Variants in PCDH11X observed in about 807,000 individuals in gnomAD.
PCDH11X encodes the protein protocadherin-11 X-linked.
A neutral mutation model predicts 53.3 loss-of-function variants in PCDH11X; 18 were observed. That is an observed-to-expected ratio of 0.34 (90% CI 0.23 to 0.50). PCDH11X has a LOEUF of 0.50. Among genes scored for constraint, PCDH11X ranks in the 20% least tolerant of loss-of-function variants. The probability of loss-of-function intolerance (pLI) is 0.98; values close to 1 mark genes in which losing one functional copy is unlikely to be tolerated. For missense variants in PCDH11X, 570 were observed against 1,032.4 expected, an observed-to-expected ratio of 0.55 and a Z score of 6.14; for synonymous variants, 279 against 393.3, an observed-to-expected ratio of 0.71 and a Z score of 3.44.
In PCDH11X at chrX:92,501,907, T is replaced by C. The variant is rs960535514; in HGVS notation, c.3367+33585T>C. 3.6e-5 allele frequency among the ~76,000 whole-genome samples: 4 copies of C among 110,606 alleles called. No individual in the cohort carries two copies. In the East Asian group the frequency reaches 1.1e-3, roughly 32 times the overall value. On this transcript the variant is annotated intron_variant, in intron 10 of 10. Coordinates refer to ENST00000682573, the MANE Select transcript of PCDH11X (RefSeq NM_032968.5). ...GAGAAAGAGATAAAGAGTATTCAAA[T>C]AGGGAGTGAGGAAGTCAAATTATCT... is the stretch of plus-strand genomic sequence containing the variant.
chrX:92,148,333 A>T (rs1180697094), intron 6 of PCDH11X, among the ~76,000 whole-genome samples: 1 of 101,429 alleles, frequency 9.9e-6, no homozygotes, highest in Non-Finnish European at 2.0e-5. Context: ...GGTTCAAGCG[A>T]TTCTCCTGCC....
At chrX:92,424,140 CTG>C (rs2072045271) in intron 9 of PCDH11X, among the ~76,000 whole-genome samples, 1 of 92,176 alleles carries the variant, frequency 1.1e-5, no homozygotes, top group South Asian at 4.5e-4. Flanking sequence ...TTTGTGTTGT[CTG>C]TGATTTCTCT....
intron 8 of PCDH11X, among the ~76,000 whole-genome samples, chrX:92,281,462 G>A (rs1485728594): frequency 8.9e-6 from 1 of 112,170 alleles, no homozygotes; most frequent in Admixed American, 9.5e-5. Flanking sequence ...CATGATTAGG[G>A]TATGTAATGT....
At chrX:91,882,619 G>A (rs1385155899) in intron 6 of PCDH11X, among the ~76,000 whole-genome samples, 1 of 109,762 alleles carries the variant, frequency 9.1e-6, no homozygotes, top group East Asian at 2.9e-4. Context: ...ATTTGAGTTG[G>A]AATAGTCTTT....
chrX:92,434,332 C>T (rs890173269), intron 9 of PCDH11X, among the ~76,000 whole-genome samples: 2 of 108,984 alleles, frequency 1.8e-5, no homozygotes, highest in Non-Finnish European at 3.8e-5. Context: ...TAGCAAGATT[C>T]TATAATTACA....
intron 6 of PCDH11X, among the ~76,000 whole-genome samples, chrX:91,950,570 G>T (rs1480866741): frequency 6.1e-5 from 6 of 97,800 alleles, no homozygotes; most frequent in Non-Finnish European, 1.2e-4. Flanking sequence ...AAATGTGATT[G>T]ATATATATAT....
intron 6 of PCDH11X, among the ~76,000 whole-genome samples, chrX:91,915,568 A>T (rs1171349997): frequency 1.8e-5 from 2 of 111,455 alleles, no homozygotes; most frequent in African/African-American, 6.5e-5. Flanking sequence ...CAGAATTTAA[A>T]GCAACAACAT....
rs199880924 is a variant in PCDH11X, at chrX:92,118,731, C to CTTTTTT, written c.3034-82621_3034-82616dup. 3.1e-4 allele frequency among the ~76,000 whole-genome samples: 14 copies of CTTTTTT among 45,632 alleles called. 2 individuals are homozygous for CTTTTTT. Among genetic ancestry groups the CTTTTTT allele is most frequent in the Admixed American group, 5.2e-4 (2 of 3,825 alleles). The allele number at this position is 45,632 out of a possible 115,157, so 39.6% of individuals were successfully genotyped here. On this transcript the variant is annotated intron_variant, in intron 6 of 10. Coordinates refer to ENST00000682573, the MANE Select transcript of PCDH11X (RefSeq NM_032968.5). ...ATTATTGGTTTGGTTATAATGCAGT[C>CTTTTTT]TTTTTTTTTTTTTTTTTTTTTTTTT...
chrX:92,515,063 A>G (rs1435190155), intron 10 of PCDH11X, among the ~76,000 whole-genome samples: 1 of 84,992 alleles, frequency 1.2e-5, no homozygotes, highest in Non-Finnish European at 2.2e-5. Flanking sequence ...AAAAAAAAAA[A>G]GAAAAGAAAA....
chrX:92,009,569 T>G (rs187172273), intron 6 of PCDH11X, among the ~76,000 whole-genome samples: 2 of 111,126 alleles, frequency 1.8e-5, no homozygotes, highest in African/African-American at 6.5e-5. Context: ...AGCATACCAA[T>G]ATCTTGAAAT....
intron 4 of PCDH11X, among the ~76,000 whole-genome samples, chrX:91,824,463 G>A (rs1477039042): frequency 1.5e-4 from 17 of 110,749 alleles, no homozygotes; most frequent in South Asian, 3.9e-4. Flanking sequence ...CCAGTTGATC[G>A]CATCGGCTCC....
intron 6 of PCDH11X, chrX:91,879,509 C>T (rs1269374329): frequency 1.9e-6 from 2 of 1,076,897 alleles, no homozygotes; most frequent in Non-Finnish European, 2.4e-6. Context: ...GCAATTTTGT[C>T]TGTAGATGGC....
intron 6 of PCDH11X, among the ~76,000 whole-genome samples, chrX:92,164,053 T>G (rs1205881088): frequency 8.9e-6 from 1 of 112,097 alleles, no homozygotes. Context: ...AGAATTATTG[T>G]TTTTCAAATT....
intron 10 of PCDH11X, among the ~76,000 whole-genome samples, chrX:92,479,885 C>A (rs1403305254): frequency 9.1e-6 from 1 of 110,125 alleles, no homozygotes; most frequent in East Asian, 2.9e-4. Flanking sequence ...GAATTTGATT[C>A]TTGGCTTGTA....
At chrX:92,485,294 A>G (rs2073618721) in intron 10 of PCDH11X, among the ~76,000 whole-genome samples, 1 of 111,300 alleles carries the variant, frequency 9.0e-6, no homozygotes, top group South Asian at 3.7e-4. Context: ...ATTAATGATA[A>G]GAATAATGAT....
chrX:92,387,745 G>C lies in PCDH11X; in HGVS notation c.3155G>C (p.Arg1052Pro), dbSNP rs1256756785. ...CATTCTCCCTTTCAGTCCCAGCGGC[G>C]TGTCACATTTCACCTGCCAGAAGGC... is the stretch of plus-strand genomic sequence containing the variant. The part of the protein sequence containing the change: ...EGKVAGKSQR[R>P]VTFHLPEGSQ... Residue 1052 changes from arginine to proline, a missense_variant, in exon 9 of 11, where the codon CGT becomes CCT. Physicochemically the swap from Arg to Pro is moderately radical, Grantham distance 103. Coordinates refer to ENST00000682573, the MANE Select transcript of PCDH11X (RefSeq NM_032968.5). 4 of 1,211,838 alleles carry C rather than the reference G, an allele frequency of 3.3e-6. No homozygotes were observed. The highest frequency in any genetic ancestry group is 4.5e-6 in the Non-Finnish European group (4 of 895,465).
intron 8 of PCDH11X, among the ~76,000 whole-genome samples, chrX:92,370,949 A>G (rs2070607492): frequency 8.9e-6 from 1 of 112,112 alleles, no homozygotes; most frequent in Admixed American, 9.4e-5. Context: ...GACATTTATC[A>G]ATACATATTG....
intron 6 of PCDH11X, among the ~76,000 whole-genome samples, chrX:91,960,161 T>C (rs1426227214): frequency 9.9e-6 from 1 of 100,616 alleles, no homozygotes; most frequent in Admixed American, 1.1e-4. Flanking sequence ...GAGTTGTGTT[T>C]CTTATATATT....
intron 9 of PCDH11X, among the ~76,000 whole-genome samples, chrX:92,430,222 A>T (rs1439501827): frequency 3.2e-5 from 3 of 92,604 alleles, no homozygotes; most frequent in Non-Finnish European, 4.8e-5. Context: ...TATCTGTAGG[A>T]TGGAGATAAT....
Sources: gnomAD v4.1 joint callset for allele counts (sites outside exome capture counted in the v4.1 genomes callset) on GRCh38, gnomAD v4.1.1 for gene constraint, MANE v1.5 for transcripts, NCBI Gene and HGNC (gene_info 2026-07-23, HGNC 2026-07-21) for gene names.